The following LMBRD1 variants were observed in gnomAD, a reference collection of about 807,000 sequenced individuals.
LMBRD1 encodes the protein lysosomal cobalamin transport escort protein LMBD1.
LMBRD1 carries 64 observed loss-of-function variants against 74.8 expected under a neutral mutation model. The ratio of observed to expected loss-of-function variants is 0.86; its 90% CI spans 0.70 to 1.05. The LOEUF (loss-of-function observed/expected upper bound fraction) is 1.05, where lower values mean the gene tolerates loss of function less well. LMBRD1 is among the 50% of genes least tolerant of loss of function. The pLI is 0.00. For missense variants in LMBRD1, 652 were observed against 645.9 expected, an observed-to-expected ratio of 1.01 and a Z score of -0.10; for synonymous variants, 204 against 216.3, an observed-to-expected ratio of 0.94 and a Z score of 0.50.
chr6:69,749,210 T>G (rs2149876084), intron 5 of LMBRD1, 131 bp downstream of exon 5: 1 of 723,162 alleles, frequency 1.4e-6, no homozygotes, highest in Admixed American at 2.7e-5. Flanking sequence ...TCCTTGGAGA[T>G]TTAGAGAGTG....
chr6:69,754,550 G>A (rs1765230488), intron 3 of LMBRD1, among the ~76,000 whole-genome samples: 1 of 152,142 alleles, frequency 6.6e-6, no homozygotes, highest in Non-Finnish European at 1.5e-5. Context: ...ACTGAATTTG[G>A]CACTATAGAC....
chr6:69,771,590 G>A (rs781085373), intron 3 of LMBRD1, among the ~76,000 whole-genome samples: 6 of 152,170 alleles, frequency 3.9e-5, no homozygotes, highest in Non-Finnish European at 5.9e-5. Context: ...GCCATCATGA[G>A]AGTTTGCCTA....
chr6:69,697,358 T>A (rs1437142432), intron 14 of LMBRD1, among the ~76,000 whole-genome samples: 1 of 152,054 alleles, frequency 6.6e-6, no homozygotes, highest in Non-Finnish European at 1.5e-5. Flanking sequence ...AAAAAATTAC[T>A]TCCTAAGTAA....
chr6:69,674,230 G>T lies in LMBRD1; in HGVS notation c.*1928C>A, dbSNP rs929150213. ...CAGTCATATTGGATTTGGGCTTCAC[G>T]CAATAGCCTCATTTTACTTTAATTA... On this transcript the variant is annotated 3_prime_UTR_variant, in exon 16 of 16. Coordinates refer to ENST00000649934, the MANE Select transcript of LMBRD1 (RefSeq NM_018368.4). Among the ~76,000 whole-genome samples the T allele has an allele frequency of 6.6e-6, 1 of 152,066 alleles. No individual in the cohort carries two copies. Among genetic ancestry groups the T allele is most frequent in the Non-Finnish European group, 1.5e-5 (1 of 68,038 alleles).
At chr6:69,698,486 T>C (rs1055246060) in intron 13 of LMBRD1, among the ~76,000 whole-genome samples, 9 of 152,108 alleles carry the variant, frequency 5.9e-5, no homozygotes, top group East Asian at 1.9e-4. Context: ...GAATCAGATA[T>C]GGTCAGAATA....
chr6:69,705,793 G>C, intron 9 of LMBRD1: 1 of 1,176,474 alleles, frequency 8.5e-7, no homozygotes, highest in Non-Finnish European at 1.3e-6. Context: ...TCTACTGACT[G>C]CATCTTCCTC....
intron 8 of LMBRD1, among the ~76,000 whole-genome samples, chr6:69,717,473 C>T (rs756516237): frequency 3.3e-5 from 5 of 151,974 alleles, no homozygotes; most frequent in Non-Finnish European, 5.9e-5. Context: ...ATTTTCTTAT[C>T]TTTATTTTGA....
intron 9 of LMBRD1, among the ~76,000 whole-genome samples, chr6:69,706,456 T>G (rs1766261956): frequency 6.6e-6 from 1 of 152,190 alleles, no homozygotes; most frequent in Non-Finnish European, 1.5e-5. Context: ...CAGAGAAAAA[T>G]TGTTTGTAAT....
At chr6:69,741,924 T>C in intron 5 of LMBRD1, 47 bp from the exon 6 acceptor site, 1 of 1,066,120 alleles carries the variant, frequency 9.4e-7, no homozygotes. Context: ...AGATAAAAAG[T>C]TAAATTAAAT....
intron 14 of LMBRD1, among the ~76,000 whole-genome samples, chr6:69,695,699 T>G (rs1044330391): frequency 6.6e-6 from 1 of 152,176 alleles, no homozygotes; most frequent in Non-Finnish European, 1.5e-5. Context: ...TGACCCAAAG[T>G]TGGCTGAATC....
chr6:69,728,839 A>T (rs1214326435), intron 7 of LMBRD1, among the ~76,000 whole-genome samples: 2 of 152,216 alleles, frequency 1.3e-5, no homozygotes, highest in African/African-American at 2.4e-5. Context: ...ATGAGTTCCT[A>T]GGAATCTGGA....
intron 2 of LMBRD1, among the ~76,000 whole-genome samples, chr6:69,785,278 G>A (rs889054736): frequency 5.3e-5 from 8 of 152,050 alleles, no homozygotes; most frequent in Non-Finnish European, 1.0e-4. Context: ...TCCAGTCCTC[G>A]GTCCAGTGTC....
intron 1 of LMBRD1, among the ~76,000 whole-genome samples, chr6:69,792,338 C>G (rs190737296): frequency 1.7e-4 from 26 of 152,348 alleles, no homozygotes; most frequent in African/African-American, 6.3e-4. Context: ...ACCAGTATCA[C>G]CCTGACAACC....
chr6:69,770,102 G>C (rs2149887400), intron 3 of LMBRD1, among the ~76,000 whole-genome samples: 1 of 152,210 alleles, frequency 6.6e-6, no homozygotes, highest in South Asian at 2.1e-4. Context: ...ACATATGCTT[G>C]TCCCAATTAT....
intron 3 of LMBRD1, among the ~76,000 whole-genome samples, chr6:69,774,197 A>G (rs1765637664): frequency 6.6e-6 from 1 of 152,212 alleles, no homozygotes. Context: ...ATGGTTTTAC[A>G]TAAAGGGGAG....
intron 2 of LMBRD1, among the ~76,000 whole-genome samples, chr6:69,782,059 T>A (rs1765843223): frequency 6.6e-6 from 1 of 152,188 alleles, no homozygotes; most frequent in Non-Finnish European, 1.5e-5. Context: ...AACAATAACA[T>A]CCAGTAATGC....
chr6:69,724,384 A>G (rs1484957808), intron 7 of LMBRD1, among the ~76,000 whole-genome samples: 2 of 147,626 alleles, frequency 1.4e-5, no homozygotes, highest in South Asian at 2.2e-4. Context: ...GCCAATATTC[A>G]TGAATATTCA....
intron 7 of LMBRD1, among the ~76,000 whole-genome samples, chr6:69,726,777 C>T (rs1305163631): frequency 9.1e-6 from 1 of 109,716 alleles, no homozygotes. Context: ...TTACTAGGTA[C>T]AAAAAAAAAA....
intron 5 of LMBRD1, among the ~76,000 whole-genome samples, chr6:69,743,421 C>T (rs1222953453): frequency 6.6e-6 from 1 of 152,102 alleles, no homozygotes; most frequent in African/African-American, 2.4e-5. Flanking sequence ...AATTAATTAA[C>T]CCTTGCTCTT....
Sources: allele counts gnomAD v4.1 joint callset (sites outside exome capture counted in the v4.1 genomes callset), GRCh38; gene constraint gnomAD v4.1.1; transcripts MANE v1.5; gene names NCBI Gene and HGNC (gene_info 2026-07-23, HGNC 2026-07-21).